Variants in DOK5 observed in about 807,000 individuals in gnomAD.
DOK5 encodes the protein downstream of tyrosine kinase 5.
DOK5 carries 27 observed loss-of-function variants against 43.3 expected under a neutral mutation model. That is an observed-to-expected ratio of 0.62 (90% CI 0.46 to 0.86). The LOEUF (loss-of-function observed/expected upper bound fraction) is 0.86. Among genes scored for constraint, DOK5 ranks in the 40% least tolerant of loss-of-function variants. The probability of loss-of-function intolerance (pLI) is 0.00; values close to 1 mark genes in which losing one functional copy is unlikely to be tolerated. For synonymous variants in DOK5, 146 were observed against 140.1 expected, an observed-to-expected ratio of 1.04 and a Z score of -0.30; for missense variants, 373 against 392.9, an observed-to-expected ratio of 0.95 and a Z score of 0.43.
At chr20:54,640,180 C>G (rs1001550090) in intron 6 of DOK5, among the ~76,000 whole-genome samples, 1 of 152,200 alleles carries the variant, frequency 6.6e-6, no homozygotes, top group Admixed American at 6.5e-5. Flanking sequence ...CGTGCCAAAT[C>G]GACACAGACA....
intron 2 of DOK5, among the ~76,000 whole-genome samples, chr20:54,583,169 A>AT (rs146376553): frequency 0.087 from 13,151 of 150,380 alleles, 712 homozygotes; most frequent in African/African-American, 0.15. Flanking sequence ...ACATACTGTG[A>AT]TTTTTTTTCA....
chr20:54,497,030 G>C (rs1351666894), intron 1 of DOK5, among the ~76,000 whole-genome samples: 2 of 152,142 alleles, frequency 1.3e-5, no homozygotes, highest in Admixed American at 6.5e-5. Context: ...GCTACATTGT[G>C]ATTCTGGACA....
chr20:54,477,906 T>C (rs1981498118), intron 1 of DOK5, among the ~76,000 whole-genome samples: 1 of 152,244 alleles, frequency 6.6e-6, no homozygotes, highest in Non-Finnish European at 1.5e-5. Flanking sequence ...ATTATTACAA[T>C]TGACACAACA....
intron 5 of DOK5, among the ~76,000 whole-genome samples, chr20:54,609,269 A>AC (rs1342779767): frequency 2.6e-5 from 4 of 152,198 alleles, no homozygotes; most frequent in African/African-American, 9.7e-5. Context: ...CACTGAAGCT[A>AC]CCGTTCAGTT....
chr20:54,551,196 C>T (rs1047332018), intron 1 of DOK5, among the ~76,000 whole-genome samples: 6 of 152,192 alleles, frequency 3.9e-5, no homozygotes, highest in Non-Finnish European at 7.3e-5. Flanking sequence ...TCTGCGCACC[C>T]TCTCCGGTGA....
chr20:54,622,108 C>T (rs968616597), intron 6 of DOK5, among the ~76,000 whole-genome samples: 5 of 151,778 alleles, frequency 3.3e-5, no homozygotes, highest in African/African-American at 4.8e-5. Flanking sequence ...GCAGGAGTAT[C>T]GCTTGAACCC....
At chr20:54,611,896 G>A (rs1193961874) in intron 6 of DOK5, among the ~76,000 whole-genome samples, 1 of 152,152 alleles carries the variant, frequency 6.6e-6, no homozygotes, top group Non-Finnish European at 1.5e-5. Flanking sequence ...GCAGCAATCC[G>A]GGATTTTAGA....
intron 7 of DOK5, among the ~76,000 whole-genome samples, chr20:54,644,637 C>T (rs1231370417): frequency 2.0e-5 from 3 of 148,472 alleles, no homozygotes; most frequent in East Asian, 2.0e-4. Context: ...ACCCGGGAGG[C>T]GGAGCTTGCA....
chr20:54,488,733 C>G (rs968250184), intron 1 of DOK5, among the ~76,000 whole-genome samples: 1 of 147,628 alleles, frequency 6.8e-6, no homozygotes, highest in African/African-American at 2.5e-5. Context: ...TGCTTATGTG[C>G]TTTTCCTCCC....
At chr20:54,481,937 A>T (rs1401977395) in intron 1 of DOK5, among the ~76,000 whole-genome samples, 1 of 152,260 alleles carries the variant, frequency 6.6e-6, no homozygotes, top group Non-Finnish European at 1.5e-5. Context: ...AATGTTTATT[A>T]GGGCTCTCAC....
chr20:54,501,365 G>T (rs1228814293), intron 1 of DOK5, among the ~76,000 whole-genome samples: 3 of 150,514 alleles, frequency 2.0e-5, no homozygotes, highest in Non-Finnish European at 4.4e-5. Flanking sequence ...TACTCAGGAG[G>T]TTGAGGCAGG....
chr20:54,476,067 G>A (rs1981409998), intron 1 of DOK5, 55 bp downstream of exon 1: 5 of 1,603,934 alleles, frequency 3.1e-6, no homozygotes, highest in Non-Finnish European at 4.3e-6. Flanking sequence ...TCTCTCTCTT[G>A]AGCCAGCATC....
intron 6 of DOK5, among the ~76,000 whole-genome samples, chr20:54,635,175 G>T (rs909101675): frequency 6.6e-6 from 1 of 152,166 alleles, no homozygotes; most frequent in Non-Finnish European, 1.5e-5. Flanking sequence ...CTCTTTGTAG[G>T]AGTAAGATAC....
chr20:54,537,670 T>A (rs1257729281), intron 1 of DOK5, among the ~76,000 whole-genome samples: 1 of 152,066 alleles, frequency 6.6e-6, no homozygotes, highest in Non-Finnish European at 1.5e-5. Flanking sequence ...CACAAGAGTT[T>A]CAGGGACCTT....
intron 6 of DOK5, among the ~76,000 whole-genome samples, chr20:54,622,216 AT>A (rs11478137): frequency 0.034 from 5,175 of 151,974 alleles, 312 homozygotes; most frequent in African/African-American, 0.12. Flanking sequence ...AATAAAAAAA[AT>A]AAAATAAAAA....
chr20:54,628,231 C>T (rs1978387457), intron 6 of DOK5, among the ~76,000 whole-genome samples: 1 of 151,664 alleles, frequency 6.6e-6, no homozygotes, highest in Non-Finnish European at 1.5e-5. Context: ...AGAATTCATT[C>T]TTCCTTCTCT....
intron 2 of DOK5, among the ~76,000 whole-genome samples, chr20:54,584,601 T>C (rs895644950): frequency 5.3e-5 from 8 of 150,964 alleles, no homozygotes; most frequent in Non-Finnish European, 1.0e-4. Context: ...ACATTACATG[T>C]AATGTAATGT....
intron 5 of DOK5, among the ~76,000 whole-genome samples, chr20:54,597,470 G>A (rs974186989): frequency 6.6e-6 from 1 of 152,132 alleles, no homozygotes; most frequent in Non-Finnish European, 1.5e-5. Flanking sequence ...ACCATTTACT[G>A]AGCCCTTACT....
At chr20:54,561,077 G>A (rs750578644) in intron 2 of DOK5, among the ~76,000 whole-genome samples, 23 of 152,226 alleles carry the variant, frequency 1.5e-4, no homozygotes, top group Non-Finnish European at 2.8e-4. Context: ...CAGCACTCCC[G>A]CTGTATAGAC....
Sources: allele counts gnomAD v4.1 joint callset (sites outside exome capture counted in the v4.1 genomes callset), GRCh38; gene constraint gnomAD v4.1.1; transcripts MANE v1.5; gene names NCBI Gene and HGNC (gene_info 2026-07-23, HGNC 2026-07-21).